Variants in SENP6 observed in about 807,000 individuals in gnomAD.
SENP6 encodes sentrin-specific protease 6.
Under a neutral mutation model 134.5 loss-of-function variants are expected in SENP6, and 41 were observed. That is an observed-to-expected ratio of 0.30 (90% CI 0.24 to 0.40). SENP6 has a LOEUF of 0.40. Ranked by LOEUF, SENP6 falls within the 10% of genes least tolerant of loss-of-function variation. The pLI is 1.00. For synonymous variants in SENP6, 395 were observed against 429.8 expected (o/e 0.92, Z 1.00); for missense variants, 1,248 against 1,312.5 (o/e 0.95, Z 0.76).
At chr6:75,667,887 G>A (rs540446409) in intron 10 of SENP6, among the ~76,000 whole-genome samples, 121 of 152,252 alleles carry the variant, frequency 7.9e-4, no homozygotes, top group African/African-American at 2.8e-3. Context: ...TGACTTTTAG[G>A]AGTTCTGCAT....
chr6:75,666,561 TTTTA>T (rs1289869096), intron 9 of SENP6, 147 bp from the exon 10 acceptor site: 13 of 272,546 alleles, frequency 4.8e-5, no homozygotes, highest in South Asian at 1.5e-4. Context: ...CTTCATTCAT[TTTTA>T]TTAATTTTAG....
intron 11 of SENP6, among the ~76,000 whole-genome samples, chr6:75,672,069 G>T (rs1393063728): frequency 6.6e-6 from 1 of 152,152 alleles, no homozygotes; most frequent in Non-Finnish European, 1.5e-5. Flanking sequence ...ACATATGTCA[G>T]TGTTTTTAGG....
rs1582925796 is a variant in SENP6, at chr6:75,716,900, T to G, written c.*1306T>G. On this transcript the variant is annotated 3_prime_UTR_variant, in exon 24 of 24. Coordinates refer to ENST00000447266, the MANE Select transcript of SENP6 (RefSeq NM_015571.4). ...ATCTCTGACATTGCAGTCAATATCT[T>G]AGGGTATTTTCTTGAATTTAATAAA... 1.3e-5 allele frequency: 2 copies of G among 151,980 alleles called. No homozygotes were observed. Among genetic ancestry groups the G allele is most frequent in the South Asian group, 4.1e-4 (2 of 4,832 alleles). The allele number at this position is 151,980 out of a possible 1,614,324, so 9.4% of individuals were successfully genotyped here. A position where few individuals can be genotyped will look rare whatever the true frequency, so the allele number is the denominator to read the frequency against.
chr6:75,629,090 A>G (rs928661999), intron 3 of SENP6, among the ~76,000 whole-genome samples: 12 of 152,238 alleles, frequency 7.9e-5, no homozygotes, highest in African/African-American at 2.9e-4. Flanking sequence ...AAAATTAAAA[A>G]TAATTTGTAA....
At chr6:75,665,796 G>A (rs1772156495) in intron 9 of SENP6, among the ~76,000 whole-genome samples, 1 of 152,026 alleles carries the variant, frequency 6.6e-6, no homozygotes, top group Non-Finnish European at 1.5e-5. Context: ...GGAGGCTGAG[G>A]CAGGCGGATC....
At chr6:75,713,479 A>C in intron 21 of SENP6, 34 bp from the exon 22 acceptor site, 1 of 1,518,418 alleles carries the variant, frequency 6.6e-7, no homozygotes, top group East Asian at 2.3e-5. Flanking sequence ...TAATATTATG[A>C]AGTATTCGAC....
At chr6:75,653,062 C>T (rs1771030117) in intron 7 of SENP6, among the ~76,000 whole-genome samples, 1 of 151,740 alleles carries the variant, frequency 6.6e-6, no homozygotes, top group Non-Finnish European at 1.5e-5. Context: ...CGGAGTTTCG[C>T]TCTTGTTGCC....
chr6:75,711,584 T>C (rs1775748064), intron 21 of SENP6, among the ~76,000 whole-genome samples, 168 bp downstream of exon 21: 1 of 152,128 alleles, frequency 6.6e-6, no homozygotes, highest in Admixed American at 6.6e-5. Context: ...ATGGGAAGAA[T>C]GGGTAATCAT....
At chr6:75,617,485 T>G (rs1582675157) in intron 1 of SENP6, among the ~76,000 whole-genome samples, 1 of 151,980 alleles carries the variant, frequency 6.6e-6, no homozygotes, top group East Asian at 1.9e-4. Flanking sequence ...TTGGTCAGGC[T>G]GGTCTCAAAC....
chr6:75,617,288 T>TTG, intron 1 of SENP6, among the ~76,000 whole-genome samples: 2 of 143,000 alleles, frequency 1.4e-5, no homozygotes, highest in African/African-American at 2.6e-5. Context: ...TTTTTTTTTT[T>TTG]TTGAGACGGA....
At chr6:75,623,479 G>T (rs193049868) in intron 2 of SENP6, among the ~76,000 whole-genome samples, 17 of 152,124 alleles carry the variant, frequency 1.1e-4, no homozygotes, top group African/African-American at 3.9e-4. Context: ...ATTAGCTAAG[G>T]CTTTCTTTCC....
Position 75,602,113 on chromosome 6 carries a change from G to A in SENP6, c.-412G>A. 1 of 163,680 alleles carries A rather than the reference G, an allele frequency of 6.1e-6. No individual in the cohort carries two copies. Among genetic ancestry groups the A allele is most frequent in the Non-Finnish European group, 1.3e-5 (1 of 75,812 alleles). The allele number at this position is 163,680 out of a possible 1,614,324, so 10.1% of individuals were successfully genotyped here. A position where few individuals can be genotyped will look rare whatever the true frequency, so the allele number is the denominator to read the frequency against. ...GCGGGTGCGGCCATTTTACGGCCTG[G>A]GACGAAGGGAGGCGTGTTTGTGTGC... is the stretch of plus-strand genomic sequence containing the variant. On this transcript the variant is annotated 5_prime_UTR_variant, in exon 1 of 24. Transcript: ENST00000447266.
Position 75,708,812 on chromosome 6 carries a change from C to T in SENP6, c.2717-715C>T, listed in dbSNP as rs199666669. Among the ~76,000 whole-genome samples, 37 of 152,094 alleles carry T rather than the reference C, an allele frequency of 2.4e-4. 1 individual carries two copies. In the East Asian group the frequency reaches 5.2e-3, roughly 21 times the overall value. On this transcript the variant is annotated intron_variant, in intron 19 of 23. Transcript: ENST00000447266. ...GTAGGCTGAGGCAGGAGAAATCACT[C>T]GAACCTGGGAGGCAGAGGTTGCAGT...
chr6:75,625,623 C>T (rs968223028), intron 3 of SENP6, among the ~76,000 whole-genome samples: 1 of 152,218 alleles, frequency 6.6e-6, no homozygotes, highest in Non-Finnish European at 1.5e-5. Flanking sequence ...AATCCCAACA[C>T]TTTGGGAGGC....
intron 1 of SENP6, chr6:75,611,662 A>T (rs186383766): frequency 6.6e-6 from 1 of 152,224 alleles, no homozygotes; most frequent in African/African-American, 2.4e-5. Context: ...TGGCTTTAGA[A>T]GTTTGTGTGC....
chr6:75,627,951 C>T (rs567256142), intron 3 of SENP6, among the ~76,000 whole-genome samples: 13 of 152,056 alleles, frequency 8.5e-5, no homozygotes, highest in African/African-American at 1.4e-4. Context: ...AGATTACAGG[C>T]GTGAGCCACC....
intron 15 of SENP6, 23 bp from the exon 16 acceptor site, chr6:75,678,788 C>T (rs375825922): frequency 6.2e-6 from 9 of 1,458,318 alleles, no homozygotes; most frequent in African/African-American, 2.8e-5. Context: ...TGTTTATTTG[C>T]TTGCCTTCTA....
At chr6:75,703,126 T>C in intron 19 of SENP6, 54 bp downstream of exon 19, 1 of 1,373,216 alleles carries the variant, frequency 7.3e-7, no homozygotes, top group Non-Finnish European at 1.0e-6. Flanking sequence ...ATCTGGATTT[T>C]TTAATAAACA....
At position 75,699,032 on chromosome 6, in the gene SENP6, A is replaced by G. The variant is rs959101358; in HGVS notation, c.2288+1515A>G. Among the ~76,000 whole-genome samples the G allele has an allele frequency of 5.3e-5, 8 of 152,028 alleles. No individual in the cohort carries two copies. In the East Asian group the frequency reaches 7.7e-4, roughly 15 times the overall value. ...TCTCAAAAAAAAAAAAAGGAAAAGA[A>G]AAAAAAAGACAGAAAAGAAGGTTTC... On this transcript the variant is annotated intron_variant, in intron 18 of 23. Transcript: ENST00000447266.
Sources: allele counts gnomAD v4.1 joint callset (sites outside exome capture counted in the v4.1 genomes callset), GRCh38; gene constraint gnomAD v4.1.1; transcripts MANE v1.5; gene names NCBI Gene and HGNC (gene_info 2026-07-23, HGNC 2026-07-21).